Variants in LYPD4 observed in about 807,000 individuals in gnomAD.
The protein encoded by LYPD4 is LY6/PLAUR domain containing 4.
Under a neutral mutation model 18.2 loss-of-function variants are expected in LYPD4, and 20 were observed. That is an observed-to-expected ratio of 1.10 (90% CI 0.77 to 1.59). LYPD4 has a LOEUF of 1.59. Among genes scored for constraint, LYPD4 ranks in the 40% most tolerant of loss-of-function variants. The pLI is 0.00. For synonymous variants in LYPD4, 111 were observed against 118.3 expected (o/e 0.94, Z 0.40); for missense variants, 278 against 300.3 (o/e 0.93, Z 0.55).
intron 1 of LYPD4, among the ~76,000 whole-genome samples, chr19:41,842,874 T>C (rs2073657324): frequency 7.1e-6 from 1 of 141,510 alleles, no homozygotes; most frequent in Non-Finnish European, 1.5e-5. Flanking sequence ...ACAAATAGTA[T>C]ATAACATAAT....
In LYPD4 at chr19:41,843,636, G is replaced by A. The variant is rs1368967850; in HGVS notation, c.-179C>T. The A allele has an allele frequency of 4.6e-5, 7 of 151,558 alleles. No homozygotes were observed. The highest frequency in any genetic ancestry group is 1.5e-4 in the African/African-American group (6 of 41,152). 9.4% of individuals were successfully genotyped at this position (151,558 alleles called of 1,614,324 possible). On this transcript the variant is annotated 5_prime_UTR_variant, in exon 1 of 5. Transcript: ENST00000609812. Reference sequence around the variant, plus strand: ...CAGCAGTCCAGCTAGAGGTCACGTCGGCCACCCTTTTCTGCCTGCAATGCC... The same window carrying A: ...CAGCAGTCCAGCTAGAGGTCACGTCAGCCACCCTTTTCTGCCTGCAATGCC...
intron 1 of LYPD4, among the ~76,000 whole-genome samples, chr19:41,842,708 C>T (rs1357535251): frequency 7.6e-6 from 1 of 131,084 alleles, no homozygotes; most frequent in African/African-American, 2.9e-5. Context: ...GTGCAGTAAG[C>T]CAAGATCACA....
intron 2 of LYPD4, 83 bp from the exon 3 acceptor site, chr19:41,839,107 C>A (rs979145508): frequency 4.3e-6 from 7 of 1,610,658 alleles, no homozygotes; most frequent in Non-Finnish European, 5.1e-6. Context: ...GTTCAGCCCC[C>A]ACAGGTCCTG....
At position 41,838,117 on chromosome 19, in the gene LYPD4, G is replaced by A. The variant is rs1313809958; in HGVS notation, c.356C>T (p.Thr119Ile). ...GAGTTTCACAAAAGGCTCCAAATTGGTGAGGTTGTTGCAGAGATAAGACCG... is the reference window on the plus strand; with the variant it reads ...GAGTTTCACAAAAGGCTCCAAATTGATGAGGTTGTTGCAGAGATAAGACCG... ...VCRSYLCNNL[T>I]NLEPFVKLKA... is the part of the protein sequence containing the mutation. Residue 119 changes from threonine to isoleucine, a missense_variant, in exon 4 of 5, where the codon ACC (threonine) becomes ATC (isoleucine). Coordinates refer to ENST00000609812, the MANE Select transcript of LYPD4 (RefSeq NM_173506.7). The A allele has an allele frequency of 5.0e-6, 8 of 1,613,968 alleles. No homozygotes were observed. Among genetic ancestry groups the A allele is most frequent in the Non-Finnish European group, 6.8e-6 (8 of 1,179,976 alleles).
chr19:41,837,454 G>T (rs2073404747), intron 4 of LYPD4, 109 bp from the exon 5 acceptor site: 5 of 1,206,416 alleles, frequency 4.1e-6, no homozygotes, highest in Non-Finnish European at 6.0e-6. Flanking sequence ...GGGAGGCCGA[G>T]GCAGGTGGAT....
chr19:41,837,097 T>G lies in LYPD4; in HGVS notation c.*46A>C. The G allele has an allele frequency of 6.2e-7, 1 of 1,611,322 alleles. No homozygotes were observed. Among genetic ancestry groups the G allele is most frequent in the African/African-American group, 1.3e-5 (1 of 74,860 alleles). ...CAGAAAGGGAACTCTGCTATTTTAT[T>G]TGTTATGTGAAAGAGTCTGGGTGCT... On this transcript the variant is annotated 3_prime_UTR_variant, in exon 5 of 5. Transcript: ENST00000609812.
At chr19:41,838,675 G>A (rs983962014) in intron 3 of LYPD4, among the ~76,000 whole-genome samples, 1 of 151,770 alleles carries the variant, frequency 6.6e-6, no homozygotes, top group African/African-American at 2.4e-5. Flanking sequence ...TGGGCAGATC[G>A]CTTGAGCTCA....
chr19:41,840,688 G>A (rs2073555138), intron 1 of LYPD4, among the ~76,000 whole-genome samples: 1 of 152,030 alleles, frequency 6.6e-6, no homozygotes. Context: ...AAATTAGCCA[G>A]GCATGGTCGT....
chr19:41,838,128 G>A lies in LYPD4; in HGVS notation c.345C>T (p.Cys115=), dbSNP rs781982806. The A allele has an allele frequency of 6.2e-7, 1 of 1,613,976 alleles. No homozygotes were observed. The highest frequency in any genetic ancestry group is 8.5e-7 in the Non-Finnish European group (1 of 1,179,904). The change falls in exon 4 of 5, where the codon TGC becomes TGT. Residue 115 remains cysteine, a synonymous_variant. Transcript: ENST00000609812. Reference sequence around the variant, plus strand: ...AAGGCTCCAAATTGGTGAGGTTGTTGCAGAGATAAGACCGGCAGACGCGAC... The same window carrying A: ...AAGGCTCCAAATTGGTGAGGTTGTTACAGAGATAAGACCGGCAGACGCGAC... ...SYSRVCRSYL[C]NNLTNLEPFV...
rs781872701 is a variant in LYPD4, at chr19:41,837,923, C to G, written c.538+12G>C. 3 of 1,591,130 alleles carry G rather than the reference C, an allele frequency of 1.9e-6. No individual in the cohort carries two copies. The South Asian group carries it at 3.4e-5, about 18-fold the overall frequency. On this transcript the variant is annotated intron_variant, in intron 4 of 4. Coordinates refer to ENST00000609812, the MANE Select transcript of LYPD4 (RefSeq NM_173506.7). ...AGTAGGCATTTGATAAACAATATTC[C>G]TCTCCTCTCACCTGCCTGAAATTTT...
intron 1 of LYPD4, among the ~76,000 whole-genome samples, chr19:41,841,981 A>G (rs983275779): frequency 9.2e-5 from 14 of 152,186 alleles, no homozygotes; most frequent in African/African-American, 3.4e-4. Flanking sequence ...ATAAATACCC[A>G]TTTCCAGTAT....
intron 3 of LYPD4, 112 bp downstream of exon 3, chr19:41,838,769 A>C: frequency 1.5e-6 from 1 of 671,028 alleles, no homozygotes; most frequent in Non-Finnish European, 2.3e-6. Flanking sequence ...ATATATATAT[A>C]TATGTATAGT....
chr19:41,840,403 T>A (rs964007462), intron 1 of LYPD4, among the ~76,000 whole-genome samples: 8 of 152,148 alleles, frequency 5.3e-5, no homozygotes, highest in Admixed American at 3.9e-4. Flanking sequence ...ATTGTACAAA[T>A]GTCAATTTCC....
At position 41,837,112 on chromosome 19, in the gene LYPD4, G is replaced by T. The variant is rs782377530; in HGVS notation, c.*31C>A. The stretch of plus-strand genomic sequence containing the variant: ...GCTATTTTATTTGTTATGTGAAAGA[G>T]TCTGGGTGCTTGTCGGGTGCAGCTA... On this transcript the variant is annotated 3_prime_UTR_variant, in exon 5 of 5. Transcript: ENST00000609812. The T allele has an allele frequency of 4.2e-5, 67 of 1,613,086 alleles. No individual in the cohort carries two copies. Among genetic ancestry groups the T allele is most frequent in the Non-Finnish European group, 5.5e-5 (65 of 1,179,700 alleles).
At chr19:41,837,672 C>T (rs1342864568) in intron 4 of LYPD4, among the ~76,000 whole-genome samples, 1 of 149,376 alleles carries the variant, frequency 6.7e-6, no homozygotes, top group African/African-American at 2.5e-5. Context: ...CCAGCCTGGG[C>T]AACAGAGCAA....
At chr19:41,838,859 G>C in intron 3 of LYPD4, 22 bp downstream of exon 3, 1 of 1,611,932 alleles carries the variant, frequency 6.2e-7, no homozygotes, top group Non-Finnish European at 8.5e-7. Flanking sequence ...AAACGAAATT[G>C]ATCAAACTTA....
chr19:41,838,181 G>C lies in LYPD4; in HGVS notation c.292C>G (p.Pro98Ala), dbSNP rs782603581. ...TAGGAGGCAATGGACACTCCGGGTG[G>C]GGAAACAAGGTAGGAGATTTGCGCA... ...YPAQISYLVSPPGVSIASYSR... is the reference protein window; with the variant it reads ...YPAQISYLVSAPGVSIASYSR... The change falls in exon 4 of 5, where the codon CCA becomes GCA. Residue 98 changes from proline (P) to alanine (A), a missense_variant. By Grantham distance (27) the Pro-to-Ala change is conservative. Coordinates refer to ENST00000609812, the MANE Select transcript of LYPD4 (RefSeq NM_173506.7). 1 of 1,597,668 alleles carries C rather than the reference G, an allele frequency of 6.3e-7. No individual in the cohort carries two copies. The highest frequency in any genetic ancestry group is 8.5e-7 in the Non-Finnish European group (1 of 1,170,246).
At chr19:41,836,959 C>T (rs782817441), downstream of LYPD4, 15 of 1,180,062 alleles carry the variant, frequency 1.3e-5, no homozygotes, top group South Asian at 1.6e-4. Flanking sequence ...AGTTGCTGGG[C>T]AGGACACTGT....
rs60674548 is a variant in LYPD4, at chr19:41,839,680, T to TGTGTGTGTGTGTGTGTGTGTGTG, written c.-120-276_-120-275insCACACACACACACACACACACAC. On this transcript the variant is annotated intron_variant, in intron 1 of 4. Transcript: ENST00000609812. ...AATAGATGTTTCAAACTCGTGTGTG[T>TGTGTGTGTGTGTGTGTGTGTGTG]TGTGTGTGTGTGTGTGTGTGTGTGT... The TGTGTGTGTGTGTGTGTGTGTGTG allele has an allele frequency of 1.2e-3, 248 of 213,574 alleles. 33 individuals carry two copies. The highest frequency in any genetic ancestry group is 1.7e-3 in the South Asian group (22 of 13,306). 13.2% of individuals were successfully genotyped at this position (213,574 alleles called of 1,614,324 possible).
Sources: gnomAD v4.1 joint callset for allele counts (sites outside exome capture counted in the v4.1 genomes callset) on GRCh38, gnomAD v4.1.1 for gene constraint, MANE v1.5 for transcripts, NCBI Gene and HGNC (gene_info 2026-07-23, HGNC 2026-07-21) for gene names.